Variants in RTL4 observed in about 807,000 individuals in gnomAD.
The protein encoded by RTL4 is retrotransposon Gag like 4, also known as retrotransposon Gag-like protein 4.
In RTL4, 4 loss-of-function variants were observed where a neutral mutation model predicts 5.3. That is an observed-to-expected ratio of 0.75 (90% CI 0.37 to 1.72). The LOEUF is 1.72. Among genes scored for constraint, RTL4 ranks in the 40% most tolerant of loss-of-function variants. The pLI is 0.04. For missense variants in RTL4, 260 were observed against 227.1 expected (o/e 1.14, Z -0.93); for synonymous variants, 98 against 87.3 (o/e 1.12, Z -0.68).
chrX:112,097,544 G>A, the RTL4 span, among the ~76,000 whole-genome samples: 1 of 111,266 alleles, frequency 9.0e-6, no homozygotes, highest in Non-Finnish European at 1.9e-5. Flanking sequence ...GCTGAGGCAG[G>A]AGGATTGCTT....
the RTL4 span, among the ~76,000 whole-genome samples, chrX:112,223,865 G>T: frequency 8.9e-6 from 1 of 111,741 alleles, no homozygotes; most frequent in East Asian, 2.8e-4. Flanking sequence ...GTAACCTAGT[G>T]CTCATTTTTC....
At chrX:112,113,839 C>G in the RTL4 span, among the ~76,000 whole-genome samples, 4 of 112,000 alleles carry the variant, frequency 3.6e-5, no homozygotes, top group African/African-American at 1.3e-4. Context: ...TTTCTATCCT[C>G]TCTGAACCAG....
chrX:112,110,057 G>T, the RTL4 span, among the ~76,000 whole-genome samples: 1 of 112,218 alleles, frequency 8.9e-6, no homozygotes, highest in Non-Finnish European at 1.9e-5. Flanking sequence ...CAAGATGGAT[G>T]TCACGGGACC....
chrX:112,136,436 C>T, the RTL4 span, among the ~76,000 whole-genome samples: 1 of 111,764 alleles, frequency 8.9e-6, no homozygotes, highest in Non-Finnish European at 1.9e-5. Flanking sequence ...CAGCTTTTCA[C>T]CATTAAGTAT....
chrX:112,206,673 T>G, the RTL4 span, among the ~76,000 whole-genome samples: 1 of 111,717 alleles, frequency 9.0e-6, no homozygotes. Flanking sequence ...CGTTTTGGTT[T>G]GTGGCTTTTA....
At chrX:112,443,472 A>G in the RTL4 span, among the ~76,000 whole-genome samples, 1 of 111,673 alleles carries the variant, frequency 9.0e-6, no homozygotes, top group Non-Finnish European at 1.9e-5. Context: ...TTGCTGAATC[A>G]TATGGTAGCT....
At chrX:112,226,399 GTTATTGGAGAGATATCA>G in the RTL4 span, among the ~76,000 whole-genome samples, 1 of 111,728 alleles carries the variant, frequency 9.0e-6, no homozygotes, top group Non-Finnish European at 1.9e-5. Context: ...TATGGGATGC[GTTATTGGAGAGATATCA>G]TTATTTCAAG....
chrX:112,368,846 A>G, the RTL4 span, among the ~76,000 whole-genome samples: 1 of 112,251 alleles, frequency 8.9e-6, no homozygotes, highest in Non-Finnish European at 1.9e-5. Flanking sequence ...CGTGGACCAC[A>G]TTGATAAATG....
the RTL4 span, among the ~76,000 whole-genome samples, chrX:112,371,600 G>A: frequency 9.0e-6 from 1 of 111,698 alleles, no homozygotes. Flanking sequence ...AATGTGTAAT[G>A]ACTTGAACTT....
chrX:112,371,564 C>A, the RTL4 span, among the ~76,000 whole-genome samples: 2 of 111,829 alleles, frequency 1.8e-5, no homozygotes, highest in East Asian at 2.8e-4. Flanking sequence ...AGAAGTAGGA[C>A]AAGATGTTCC....
the RTL4 span, among the ~76,000 whole-genome samples, chrX:112,246,610 C>T: frequency 1.8e-4 from 20 of 111,582 alleles, no homozygotes; most frequent in Middle Eastern, 4.2e-3. Context: ...CCCGATTTTC[C>T]AGGTACAGTC....
At chrX:112,166,048 C>A in the RTL4 span, among the ~76,000 whole-genome samples, 44 of 112,044 alleles carry the variant, frequency 3.9e-4, no homozygotes, top group Admixed American at 7.6e-4. Context: ...AAGGATCAGT[C>A]CTTTCTTAGA....
At chrX:112,365,718 A>T in the RTL4 span, among the ~76,000 whole-genome samples, 1 of 110,869 alleles carries the variant, frequency 9.0e-6, no homozygotes, top group Non-Finnish European at 1.9e-5. Flanking sequence ...TCTGCCTTTC[A>T]CTCCCGTGCT....
At chrX:112,389,241 A>G in the RTL4 span, among the ~76,000 whole-genome samples, 17 of 104,336 alleles carry the variant, frequency 1.6e-4, no homozygotes, top group African/African-American at 5.3e-4. Flanking sequence ...CAGTGGTAAC[A>G]TTTCCTTCAT....
At chrX:112,095,688 G>A in the RTL4 span, among the ~76,000 whole-genome samples, 3 of 111,673 alleles carry the variant, frequency 2.7e-5, no homozygotes, top group Non-Finnish European at 5.7e-5. Flanking sequence ...GGAACTTGTA[G>A]TAAGAGAGTA....
chrX:112,420,417 G>A, the RTL4 span, among the ~76,000 whole-genome samples: 2 of 111,233 alleles, frequency 1.8e-5, no homozygotes, highest in African/African-American at 6.5e-5. Context: ...CTGAAAGAGG[G>A]GAAATAAGGT....
the RTL4 span, among the ~76,000 whole-genome samples, chrX:112,179,927 CT>C: frequency 9.0e-6 from 1 of 111,291 alleles, no homozygotes; most frequent in South Asian, 3.8e-4. Flanking sequence ...GGTGTTCACT[CT>C]GGTTTATTCT....
chrX:112,291,915 C>A, the RTL4 span, among the ~76,000 whole-genome samples: 1 of 110,593 alleles, frequency 9.0e-6, no homozygotes, highest in Non-Finnish European at 1.9e-5. Context: ...CTAGTTCTAC[C>A]AACCATCTCC....
the RTL4 span, among the ~76,000 whole-genome samples, chrX:112,328,063 T>TA: frequency 9.2e-6 from 1 of 108,257 alleles, no homozygotes; most frequent in African/African-American, 3.4e-5. Flanking sequence ...TGCCAAAATG[T>TA]AAAGACCATC....
Sources: gnomAD v4.1 joint callset for allele counts (sites outside exome capture counted in the v4.1 genomes callset) on GRCh38, gnomAD v4.1.1 for gene constraint, MANE v1.5 for transcripts, NCBI Gene and HGNC (gene_info 2026-07-23, HGNC 2026-07-21) for gene names.